Variants in GET1 observed in about 807,000 individuals in gnomAD.
GET1 encodes the protein congenital heart disease 5 protein.
GET1 carries 20 observed loss-of-function variants against 22.6 expected under a neutral mutation model. The ratio of observed to expected loss-of-function variants is 0.89; its 90% confidence interval spans 0.62 to 1.29. GET1 has a LOEUF of 1.29. Ranked by LOEUF, GET1 falls within the 50% of genes most tolerant of loss-of-function variation. The pLI is 0.00. For missense variants in GET1, 209 were observed against 219.9 expected, an observed-to-expected ratio of 0.95 and a Z score of 0.31; for synonymous variants, 92 against 83.8, an observed-to-expected ratio of 1.10 and a Z score of -0.53.
At chr21:39,382,751 T>G (rs190537462) in intron 1 of GET1, among the ~76,000 whole-genome samples, 96 of 152,308 alleles carry the variant, frequency 6.3e-4, no homozygotes, top group African/African-American at 2.0e-3. Flanking sequence ...CTGCTTTCAG[T>G]TTTTCTGGAC....
downstream of GET1, among the ~76,000 whole-genome samples, chr21:39,411,463 G>A (rs2040073578): frequency 6.6e-6 from 1 of 152,178 alleles, no homozygotes; most frequent in African/African-American, 2.4e-5. Flanking sequence ...TTTGCTTCAA[G>A]CTGAAGTTAT....
In GET1 at chr21:39,380,450, T is replaced by A. The variant is rs1569026365; in HGVS notation, c.66T>A (p.Asn22Lys). ...LLVLSFVFGC[N>K]VLRILLPSFS... is the part of the protein sequence containing the mutation. ...TGCTCAGCTTCGTGTTTGGATGCAA[T>A]GTTCTTAGGATCCTCCTCCCGTCCT... The change falls in exon 1 of 5, where the codon AAT becomes AAA. Residue 22 changes from asparagine to lysine, a missense_variant. Physicochemically the swap from Asn to Lys is moderately conservative, Grantham distance 94. Coordinates refer to ENST00000649170, the MANE Select transcript of GET1 (RefSeq NM_004627.6). The A allele has an allele frequency of 6.2e-7, 1 of 1,613,366 alleles. No individual in the cohort carries two copies. Among genetic ancestry groups the A allele is most frequent in the Non-Finnish European group, 8.5e-7 (1 of 1,179,728 alleles).
downstream of GET1, among the ~76,000 whole-genome samples, chr21:39,400,278 G>T (rs546208391): frequency 8.5e-5 from 13 of 152,264 alleles, no homozygotes; most frequent in Admixed American, 3.3e-4. Context: ...CCTCATCTGA[G>T]CATTTAAAAT....
At chr21:39,399,455 T>G (rs1241109647), downstream of GET1, among the ~76,000 whole-genome samples, 1 of 150,926 alleles carries the variant, frequency 6.6e-6, no homozygotes, top group Non-Finnish European at 1.5e-5. Flanking sequence ...AAATTTATTT[T>G]ATTTTTTGAG....
chr21:39,406,679 G>T, downstream of GET1: 1 of 1,266,626 alleles, frequency 7.9e-7, no homozygotes, highest in Non-Finnish European at 1.1e-6. Flanking sequence ...AAGATGGCAT[G>T]TCTAGTACAC....
rs145685572 is a variant in GET1, at chr21:39,387,966, A to G, written c.103-2732A>G. The G allele has an allele frequency of 1.0e-3, 634 of 615,734 alleles. 7 individuals are homozygous for G. In the African/African-American group the frequency reaches 0.012, roughly 11 times the overall value. The allele number at this position is 615,734 out of a possible 1,614,324, so 38.1% of individuals were successfully genotyped here. A position where few individuals can be genotyped will look rare whatever the true frequency, so the allele number is the denominator to read the frequency against. ...ATCTATTTTTAAAATTTCGAAACAA[A>G]CACAAATGTGCAGAAAAGTTATATA... On this transcript the variant is annotated intron_variant, in intron 1 of 4. Transcript: ENST00000649170.
intron 1 of GET1, among the ~76,000 whole-genome samples, chr21:39,387,133 T>C (rs191369473): frequency 2.8e-3 from 421 of 152,336 alleles, no homozygotes; most frequent in African/African-American, 9.8e-3. Context: ...GTGCTGGGAT[T>C]ACTGCACTGC....
chr21:39,398,989 C>T (rs1439465367), downstream of GET1, among the ~76,000 whole-genome samples: 1 of 152,258 alleles, frequency 6.6e-6, no homozygotes, highest in Non-Finnish European at 1.5e-5. Flanking sequence ...ATCCACCCGC[C>T]TCGGCCTCCC....
chr21:39,404,244 A>G (rs1027731142), intron 4 of GET1, among the ~76,000 whole-genome samples: 2 of 152,252 alleles, frequency 1.3e-5, no homozygotes, highest in African/African-American at 4.8e-5. Context: ...ATTAGTTAGG[A>G]CTGAGCAGCT....
exon 2 of GET1, chr21:39,428,266 T>C: frequency 6.2e-7 from 1 of 1,608,774 alleles, no homozygotes; most frequent in Non-Finnish European, 8.5e-7. Flanking sequence ...TAGCCTTTTC[T>C]GAACAATCAC....
chr21:39,414,268 T>C (rs1276988045), intron 1 of GET1: 2 of 152,096 alleles, frequency 1.3e-5, no homozygotes, highest in Admixed American at 6.6e-5. Context: ...GGAACTTAGA[T>C]AGAAAGCAGT....
chr21:39,408,933 T>G (rs1409443206), downstream of GET1, among the ~76,000 whole-genome samples: 1 of 152,226 alleles, frequency 6.6e-6, no homozygotes, highest in African/African-American at 2.4e-5. Flanking sequence ...TTGAATAATT[T>G]GCTACTCAGT....
At chr21:39,396,770 TGG>T (rs2038683610) in intron 4 of GET1, 94 bp from the exon 5 acceptor site, 1 of 1,128,680 alleles carries the variant, frequency 8.9e-7, no homozygotes, top group Admixed American at 1.8e-5. Flanking sequence ...TCAAAAAGAA[TGG>T]AAATACTCTC....
chr21:39,381,898 C>A (rs7278120), intron 1 of GET1, among the ~76,000 whole-genome samples: 2,409 of 152,012 alleles, frequency 0.016, 64 homozygotes, highest in African/African-American at 0.055. Context: ...CCACCACGCC[C>A]AGGTATTTTT....
At chr21:39,401,985 C>T (rs969313116), downstream of GET1, among the ~76,000 whole-genome samples, 17 of 152,160 alleles carry the variant, frequency 1.1e-4, no homozygotes, top group African/African-American at 3.9e-4. Context: ...CCTTAAGACA[C>T]AAAAATGTTG....
chr21:39,415,016 C>T (rs1326324053), intron 1 of GET1, among the ~76,000 whole-genome samples: 1 of 152,086 alleles, frequency 6.6e-6, no homozygotes, highest in Non-Finnish European at 1.5e-5. Flanking sequence ...GATCTTCTGC[C>T]TCAGCCTCTG....
intron 1 of GET1, among the ~76,000 whole-genome samples, chr21:39,421,304 G>GT (rs1182854225): frequency 6.6e-6 from 1 of 152,050 alleles, no homozygotes; most frequent in Non-Finnish European, 1.5e-5. Context: ...GTTTTGCTGT[G>GT]TTGGCCAGGC....
At chr21:39,390,620 C>T in intron 1 of GET1, 78 bp from the exon 2 acceptor site, 2 of 1,557,380 alleles carry the variant, frequency 1.3e-6, no homozygotes, top group South Asian at 1.2e-5. Context: ...AGGGCATAGA[C>T]AGAAAGTAGC....
intron 3 of GET1, 200 bp from the exon 4 acceptor site, chr21:39,392,951 TCGTCTTTAATTTGAC>T (rs1352183284): frequency 5.8e-6 from 3 of 520,234 alleles, no homozygotes; most frequent in African/African-American, 1.9e-5. Flanking sequence ...GCTGCTGAGC[TCGTCTTTAATTTGAC>T]TTTCTCATTC....
Sources: gnomAD v4.1 joint callset for allele counts (sites outside exome capture counted in the v4.1 genomes callset) on GRCh38, gnomAD v4.1.1 for gene constraint, MANE v1.5 for transcripts, NCBI Gene and HGNC (gene_info 2026-07-23, HGNC 2026-07-21) for gene names.